Variants in FCHSD2 observed in about 807,000 individuals in gnomAD.
FCHSD2 encodes FCH and double SH3 domains 2.
In FCHSD2, 38 loss-of-function variants were observed where a neutral mutation model predicts 108.1. The ratio of observed to expected loss-of-function variants is 0.35; its 90% CI spans 0.27 to 0.46. The LOEUF is 0.46. Among genes scored for constraint, FCHSD2 ranks in the 20% least tolerant of loss-of-function variants. The probability of loss-of-function intolerance (pLI) is 1.00; values close to 1 mark genes in which losing one functional copy is unlikely to be tolerated. For synonymous variants in FCHSD2, 279 were observed against 314.7 expected (o/e 0.89, Z 1.20); for missense variants, 751 against 897.8 (o/e 0.84, Z 2.09).
At chr11:73,053,718 G>A (rs1858956685) in intron 3 of FCHSD2, among the ~76,000 whole-genome samples, 1 of 152,106 alleles carries the variant, frequency 6.6e-6, no homozygotes, top group African/African-American at 2.4e-5. Context: ...TAAATGGAGA[G>A]CTGCAATTTT....
intron 12 of FCHSD2, among the ~76,000 whole-genome samples, chr11:72,882,564 T>C (rs932802978): frequency 5.9e-5 from 9 of 152,234 alleles, no homozygotes; most frequent in Non-Finnish European, 1.0e-4. Flanking sequence ...AAAGAAATTA[T>C]AAATGTCTGA....
At chr11:72,866,907 A>G (rs1854739906) in intron 13 of FCHSD2, among the ~76,000 whole-genome samples, 1 of 152,206 alleles carries the variant, frequency 6.6e-6, no homozygotes, top group Non-Finnish European at 1.5e-5. Context: ...TTGGGAGGTT[A>G]GAGTTTTAGC....
intron 3 of FCHSD2, among the ~76,000 whole-genome samples, chr11:73,066,095 C>G (rs544882465): frequency 3.3e-5 from 5 of 152,282 alleles, no homozygotes; most frequent in Non-Finnish European, 7.4e-5. Context: ...CGCTACCTGA[C>G]TTCAAACTAG....
chr11:73,041,406 T>C (rs1314146940), intron 3 of FCHSD2, among the ~76,000 whole-genome samples: 1 of 152,210 alleles, frequency 6.6e-6, no homozygotes, highest in Non-Finnish European at 1.5e-5. Context: ...TTGTTGTTCT[T>C]TTTAATAATC....
chr11:72,984,990 T>C, intron 7 of FCHSD2, 72 bp downstream of exon 7: 1 of 683,928 alleles, frequency 1.5e-6, no homozygotes, highest in Non-Finnish European at 2.6e-6. Flanking sequence ...ACCTCCACCC[T>C]CAAAGATCCA....
chr11:72,906,378 C>A (rs1855630741), intron 9 of FCHSD2, among the ~76,000 whole-genome samples: 1 of 152,138 alleles, frequency 6.6e-6, no homozygotes, highest in African/African-American at 2.4e-5. Context: ...AGTAGGGTGC[C>A]TGTTCACTCT....
chr11:73,113,041 C>T (rs1860524780), intron 2 of FCHSD2, among the ~76,000 whole-genome samples: 2 of 152,106 alleles, frequency 1.3e-5, no homozygotes, highest in Admixed American at 1.3e-4. Context: ...TCTGTCTTCT[C>T]TGTGCATTTC....
chr11:72,891,933 T>C (rs1053592308), intron 10 of FCHSD2, among the ~76,000 whole-genome samples: 7 of 152,212 alleles, frequency 4.6e-5, no homozygotes, highest in South Asian at 2.1e-4. Flanking sequence ...TGAAAATTAC[T>C]TGAAACAAAA....
chr11:73,089,589 T>C (rs1393336263), intron 2 of FCHSD2, among the ~76,000 whole-genome samples: 4 of 152,234 alleles, frequency 2.6e-5, no homozygotes, highest in Non-Finnish European at 4.4e-5. Flanking sequence ...TATAATGGAA[T>C]GTTATTCAGC....
At chr11:73,037,529 T>C (rs770160136) in intron 3 of FCHSD2, among the ~76,000 whole-genome samples, 29 of 152,216 alleles carry the variant, frequency 1.9e-4, no homozygotes, top group Non-Finnish European at 3.5e-4. Flanking sequence ...GAGTTTTTGA[T>C]AGCAGCCTTT....
chr11:73,037,406 C>T (rs539298585), intron 3 of FCHSD2, among the ~76,000 whole-genome samples: 1 of 152,202 alleles, frequency 6.6e-6, no homozygotes, highest in South Asian at 2.1e-4. Context: ...TTTTCACTGC[C>T]CTAAAAATCC....
Position 73,140,022 on chromosome 11 carries a change from T to TA in FCHSD2, c.119+8dup. On this transcript the variant is annotated intron_variant, in intron 2 of 19. Transcript: ENST00000409418. ...ACAGAAGTCCTTGAACTATTTACTA[T>TA]AGCCTTACCTCATATCTTCAAGCAA... 6.8e-7 allele frequency: 1 copy of TA among 1,478,206 alleles called. No homozygotes were observed. Among genetic ancestry groups the TA allele is most frequent in the Non-Finnish European group, 9.2e-7 (1 of 1,092,390 alleles). The allele number at this position is 1,478,206 out of a possible 1,614,324, so 91.6% of individuals were successfully genotyped here. A position where few individuals can be genotyped will look rare whatever the true frequency, so the allele number is the denominator to read the frequency against.
intron 2 of FCHSD2, among the ~76,000 whole-genome samples, chr11:73,116,712 A>G (rs1860611395): frequency 6.6e-6 from 1 of 151,934 alleles, no homozygotes; most frequent in African/African-American, 2.4e-5. Flanking sequence ...ATTGCTTTTT[A>G]TTTTTATTAG....
At position 73,140,052 on chromosome 11, in the gene FCHSD2, C is replaced by T. The variant is rs774420498; in HGVS notation, c.98G>A (p.Cys33Tyr). The change falls in exon 2 of 20, where the codon TGT becomes TAT. Residue 33 changes from cysteine to tyrosine, a missense_variant. By Grantham distance (194) the Cys-to-Tyr change is radical. Coordinates refer to ENST00000409418, the MANE Select transcript of FCHSD2 (RefSeq NM_014824.3). Reference protein sequence around the residue: ...TKLQAKHQAECDLLEDMRTFS... With the variant: ...TKLQAKHQAEYDLLEDMRTFS... ...TTACCTCATATCTTCAAGCAAATCA[C>T]ATTCTGCTTGATGTTTGGCTTGAAG... 3 of 1,541,476 alleles carry T rather than the reference C, an allele frequency of 1.9e-6. No individual in the cohort carries two copies. Among genetic ancestry groups the T allele is most frequent in the Non-Finnish European group, 2.6e-6 (3 of 1,140,786 alleles).
rs1393775982 is a variant in FCHSD2 at position 72,836,976 on chromosome 11, A to C, written c.*1815T>G. On this transcript the variant is annotated 3_prime_UTR_variant, in exon 20 of 20. Transcript: ENST00000409418. Reference sequence around the variant, plus strand: ...CAGCTCTTCCAAAAAATATTTTAAAATACAACAAAAGATTTCAAATAACCC... The same window carrying C: ...CAGCTCTTCCAAAAAATATTTTAAACTACAACAAAAGATTTCAAATAACCC... 6.6e-6 allele frequency: 1 copy of C among 152,552 alleles called. No individual in the cohort carries two copies. Among genetic ancestry groups the C allele is most frequent in the Admixed American group, 6.5e-5 (1 of 15,292 alleles). The allele number at this position is 152,552 out of a possible 1,614,324, so 9.4% of individuals were successfully genotyped here.
At chr11:72,995,751 A>G (rs1013379637) in intron 5 of FCHSD2, among the ~76,000 whole-genome samples, 2 of 151,860 alleles carry the variant, frequency 1.3e-5, no homozygotes, top group African/African-American at 4.8e-5. Context: ...ATAGTCTCTG[A>G]GTATGACAGA....
At chr11:73,030,361 A>G (rs1591495472) in intron 3 of FCHSD2, among the ~76,000 whole-genome samples, 1 of 152,196 alleles carries the variant, frequency 6.6e-6, no homozygotes, top group East Asian at 1.9e-4. Context: ...ATTATACTAA[A>G]TAAAAAAAAC....
intron 9 of FCHSD2, among the ~76,000 whole-genome samples, chr11:72,907,932 C>T (rs1044307112): frequency 2.6e-5 from 4 of 152,034 alleles, no homozygotes; most frequent in African/African-American, 9.7e-5. Flanking sequence ...CTATTGCTGA[C>T]GTGGTCACCT....
chr11:72,967,905 C>T (rs1014992014), intron 8 of FCHSD2, among the ~76,000 whole-genome samples: 2 of 151,708 alleles, frequency 1.3e-5, no homozygotes, highest in Non-Finnish European at 2.9e-5. Flanking sequence ...TCCTGGCTAA[C>T]GCGGTGAATC....
Sources: gnomAD v4.1 joint callset for allele counts (sites outside exome capture counted in the v4.1 genomes callset) on GRCh38, gnomAD v4.1.1 for gene constraint, MANE v1.5 for transcripts, NCBI Gene and HGNC (gene_info 2026-07-23, HGNC 2026-07-21) for gene names.